PCDH9: variants seen among roughly 807,000 people sequenced by gnomAD.
PCDH9 encodes protocadherin 9, also known as protocadherin-9.
Under a neutral mutation model 70.6 loss-of-function variants are expected in PCDH9, and 24 were observed. That is an observed-to-expected ratio of 0.34 (90% CI 0.25 to 0.48). The LOEUF (loss-of-function observed/expected upper bound fraction) is 0.48. Among genes scored for constraint, PCDH9 ranks in the 20% least tolerant of loss-of-function variants. The probability of loss-of-function intolerance (pLI) is 0.99; values close to 1 mark genes in which losing one functional copy is unlikely to be tolerated. For synonymous variants in PCDH9, 562 were observed against 558.5 expected (o/e 1.01, Z -0.09); for missense variants, 1,281 against 1,503.6 (o/e 0.85, Z 2.45).
At chr13:66,956,479 TG>T (rs2083267255) in intron 2 of PCDH9, among the ~76,000 whole-genome samples, 1 of 152,106 alleles carries the variant, frequency 6.6e-6, no homozygotes, top group African/African-American at 2.4e-5. Context: ...CCAGGTGCGG[TG>T]GTGGTTCATG....
At chr13:66,578,375 CT>C (rs2076843724) in intron 4 of PCDH9, among the ~76,000 whole-genome samples, 2 of 151,940 alleles carry the variant, frequency 1.3e-5, no homozygotes, top group Admixed American at 6.6e-5. Context: ...GTTTCATGAG[CT>C]ACATTTTTTT....
At chr13:67,160,755 A>G (rs1451436729) in intron 2 of PCDH9, among the ~76,000 whole-genome samples, 1 of 152,176 alleles carries the variant, frequency 6.6e-6, no homozygotes, top group Non-Finnish European at 1.5e-5. Context: ...AAGAAAAGTT[A>G]CTTACACTCA....
intron 4 of PCDH9, among the ~76,000 whole-genome samples, chr13:66,605,378 T>C (rs2077210688): frequency 6.6e-6 from 1 of 152,152 alleles, no homozygotes. Flanking sequence ...TACTCATATG[T>C]GTTTCCTATA....
chr13:67,210,406 C>T (rs767674970), intron 2 of PCDH9: 2 of 151,964 alleles, frequency 1.3e-5, no homozygotes, highest in Non-Finnish European at 2.9e-5. Context: ...GGGAATATTG[C>T]AAATCATTCA....
Position 67,154,440 on chromosome 13 carries a change from G to A in PCDH9, c.3036+70965C>T, listed in dbSNP as rs746404359. ...GAAAATACAAAAATTAGCTGGGCAC[G>A]GCGGTAAGTGCCTATAGTCCCAGCT... On this transcript the variant is annotated intron_variant, in intron 2 of 4. Transcript: ENST00000377865. Among the ~76,000 whole-genome samples the A allele has an allele frequency of 1.2e-4, 18 of 151,730 alleles. 1 individual carries two copies. Among genetic ancestry groups the A allele is most frequent in the Middle Eastern group, 3.4e-3 (1 of 294 alleles).
chr13:66,592,148 G>T (rs778261133), intron 4 of PCDH9, among the ~76,000 whole-genome samples: 4 of 151,732 alleles, frequency 2.6e-5, no homozygotes, highest in Non-Finnish European at 4.4e-5. Context: ...ACCTGAAAGT[G>T]ATTGGACTAA....
intron 2 of PCDH9, among the ~76,000 whole-genome samples, chr13:67,013,392 T>C (rs1030119018): frequency 2.0e-5 from 3 of 151,908 alleles, no homozygotes; most frequent in Admixed American, 6.6e-5. Context: ...TCCTATATCA[T>C]TGAATGTTAA....
chr13:66,381,155 T>A (rs1956842207), intron 4 of PCDH9, among the ~76,000 whole-genome samples: 1 of 152,190 alleles, frequency 6.6e-6, no homozygotes, highest in Non-Finnish European at 1.5e-5. Context: ...TTGGCAACAG[T>A]CTCTCAGAAA....
At chr13:66,556,111 C>G (rs118120932) in intron 4 of PCDH9, among the ~76,000 whole-genome samples, 9 of 151,178 alleles carry the variant, frequency 6.0e-5, no homozygotes, top group Admixed American at 2.0e-4. Flanking sequence ...ATTGATTATC[C>G]TCTTCATTAT....
chr13:66,422,046 C>T (rs188832568), intron 4 of PCDH9, among the ~76,000 whole-genome samples: 51 of 152,094 alleles, frequency 3.4e-4, no homozygotes, highest in South Asian at 8.3e-4. Context: ...AAACCAACAA[C>T]GGTCAAAAGA....
chr13:66,543,273 A>G (rs1299736835), intron 4 of PCDH9, among the ~76,000 whole-genome samples: 1 of 152,104 alleles, frequency 6.6e-6, no homozygotes, highest in Non-Finnish European at 1.5e-5. Flanking sequence ...CAAAATAGTT[A>G]TATGAGTAAA....
At chr13:67,073,585 A>T (rs1054660778) in intron 2 of PCDH9, among the ~76,000 whole-genome samples, 2 of 152,102 alleles carry the variant, frequency 1.3e-5, no homozygotes, top group East Asian at 3.9e-4. Context: ...AACTATGTGC[A>T]ATAAAACGTA....
intron 2 of PCDH9, among the ~76,000 whole-genome samples, chr13:66,964,945 C>G (rs1196418689): frequency 6.6e-6 from 1 of 151,690 alleles, no homozygotes; most frequent in Non-Finnish European, 1.5e-5. Flanking sequence ...TATATATATT[C>G]ATTTACTAGA....
intron 3 of PCDH9, among the ~76,000 whole-genome samples, chr13:66,713,032 A>T (rs1273875357): frequency 6.6e-6 from 1 of 152,180 alleles, no homozygotes; most frequent in Non-Finnish European, 1.5e-5. Flanking sequence ...GCTTCCAGTG[A>T]ACGTGTTAGT....
intron 3 of PCDH9, among the ~76,000 whole-genome samples, chr13:66,811,309 C>T (rs558079131): frequency 6.6e-6 from 1 of 152,214 alleles, no homozygotes; most frequent in Non-Finnish European, 1.5e-5. Flanking sequence ...TGGCCCAAAA[C>T]CGCTGGATTA....
chr13:67,032,218 A>C (rs2084921617), intron 2 of PCDH9, among the ~76,000 whole-genome samples: 1 of 152,186 alleles, frequency 6.6e-6, no homozygotes, highest in Non-Finnish European at 1.5e-5. Context: ...ATCATGGCTC[A>C]CTGTAGCCTA....
chr13:67,118,654 A>G (rs1291699377), intron 2 of PCDH9, among the ~76,000 whole-genome samples: 1 of 152,064 alleles, frequency 6.6e-6, no homozygotes, highest in East Asian at 1.9e-4. Context: ...CTTTAAATTA[A>G]CTTTCCAAGT....
At chr13:66,437,422 A>AC (rs1957892208) in intron 4 of PCDH9, among the ~76,000 whole-genome samples, 1 of 149,490 alleles carries the variant, frequency 6.7e-6, no homozygotes, top group African/African-American at 2.5e-5. Context: ...AAAAAAAAAA[A>AC]AAAAGGAGAG....
Position 66,543,480 on chromosome 13 carries a change from T to C in PCDH9, c.3340+87730A>G, listed in dbSNP as rs900981892. On this transcript the variant is annotated intron_variant, in intron 4 of 4. Coordinates refer to ENST00000377865, the MANE Select transcript of PCDH9 (RefSeq NM_203487.3). ...TACTTGGGAGGCTGAGACAGGAGAATTGTTTGAACCCAGGAGGTTGAGGTT... is the reference window on the plus strand; with the variant it reads ...TACTTGGGAGGCTGAGACAGGAGAACTGTTTGAACCCAGGAGGTTGAGGTT... Among the ~76,000 whole-genome samples the C allele has an allele frequency of 2.6e-5, 4 of 152,154 alleles. 1 individual carries two copies. Among genetic ancestry groups the C allele is most frequent in the Admixed American group, 2.6e-4 (4 of 15,280 alleles).
Sources: allele counts gnomAD v4.1 joint callset (sites outside exome capture counted in the v4.1 genomes callset), GRCh38; gene constraint gnomAD v4.1.1; transcripts MANE v1.5; gene names NCBI Gene and HGNC (gene_info 2026-07-23, HGNC 2026-07-21).